The following PTPRD variants were observed in gnomAD, a reference collection of about 807,000 sequenced individuals.
PTPRD encodes protein tyrosine phosphatase receptor type D, also known as receptor-type tyrosine-protein phosphatase delta.
A neutral mutation model predicts 214.5 loss-of-function variants in PTPRD; 34 were observed. That is an observed-to-expected ratio of 0.16 (90% CI 0.12 to 0.21). The LOEUF (loss-of-function observed/expected upper bound fraction) is 0.21, where lower values mean the gene tolerates loss of function less well. PTPRD is among the 10% of genes least tolerant of loss of function. The probability of loss-of-function intolerance (pLI) is 1.00; values close to 1 mark genes in which losing one functional copy is unlikely to be tolerated. For synonymous variants in PTPRD, 1,128 were observed against 845.7 expected, an observed-to-expected ratio of 1.33 and a Z score of -5.79; for missense variants, 2,545 against 2,398.7, an observed-to-expected ratio of 1.06 and a Z score of -1.27.
chr9:8,384,754 G>C (rs2086381476), intron 37 of PTPRD, among the ~76,000 whole-genome samples: 2 of 152,130 alleles, frequency 1.3e-5, no homozygotes, highest in Admixed American at 6.5e-5. Flanking sequence ...TCGAACTCCT[G>C]ACCTCAGGTG....
chr9:9,794,189 A>G (rs980687734), intron 5 of PTPRD, among the ~76,000 whole-genome samples: 3 of 146,348 alleles, frequency 2.0e-5, no homozygotes, highest in Non-Finnish European at 3.0e-5. Context: ...ATATATACAT[A>G]TGTGTGTGTG....
chr9:10,605,060 T>C (rs967681230), intron 2 of PTPRD, among the ~76,000 whole-genome samples: 4 of 151,846 alleles, frequency 2.6e-5, no homozygotes, highest in Admixed American at 1.3e-4. Flanking sequence ...GGTAACTTAT[T>C]AACTTCAGCA....
At chr9:9,253,790 A>G (rs963182817) in intron 9 of PTPRD, among the ~76,000 whole-genome samples, 9 of 152,104 alleles carry the variant, frequency 5.9e-5, no homozygotes, top group African/African-American at 2.2e-4. Flanking sequence ...TGCTGTAACA[A>G]ATTATCACAA....
In PTPRD at chr9:10,118,896, A is replaced by AAAT. The variant is rs150154266; in HGVS notation, c.-544-85109_-544-85107dup. Among the ~76,000 whole-genome samples the AAAT allele has an allele frequency of 5.5e-4, 79 of 142,680 alleles. 1 individual carries two copies. The highest frequency in any genetic ancestry group is 4.6e-3 in the Admixed American group (65 of 14,276). 93.6% of individuals were successfully genotyped at this position (142,680 alleles called of 152,430 possible). A position where few individuals can be genotyped will look rare whatever the true frequency, so the allele number is the denominator to read the frequency against. ...TAAATAAATAAATAAATAAATAAAT[A>AAAT]AATAATAATAAAGGAGATGAAGGAA... is the stretch of plus-strand genomic sequence containing the variant. On this transcript the variant is annotated intron_variant, in intron 3 of 45. Transcript: ENST00000381196.
At chr9:9,675,012 T>A (rs2096902410) in intron 7 of PTPRD, among the ~76,000 whole-genome samples, 1 of 151,848 alleles carries the variant, frequency 6.6e-6, no homozygotes, top group Non-Finnish European at 1.5e-5. Context: ...AGATAACAAC[T>A]AAAGAATGAA....
chr9:9,096,372 A>T (rs2099783526), intron 10 of PTPRD, among the ~76,000 whole-genome samples: 1 of 152,212 alleles, frequency 6.6e-6, no homozygotes. Flanking sequence ...GCAAACAAAC[A>T]AAAGTCCCCA....
intron 32 of PTPRD, among the ~76,000 whole-genome samples, chr9:8,464,477 G>A (rs1190442663): frequency 2.0e-5 from 3 of 151,832 alleles, no homozygotes; most frequent in African/African-American, 7.3e-5. Context: ...ATTTTCCACG[G>A]GGGAATTCTT....
At chr9:10,486,897 G>A (rs2099136342) in intron 2 of PTPRD, among the ~76,000 whole-genome samples, 1 of 152,140 alleles carries the variant, frequency 6.6e-6, no homozygotes, top group Non-Finnish European at 1.5e-5. Context: ...TGTTGAATAT[G>A]TGGTGTTGAA....
At chr9:9,353,716 A>G (rs2052448921) in intron 9 of PTPRD, among the ~76,000 whole-genome samples, 1 of 151,894 alleles carries the variant, frequency 6.6e-6, no homozygotes, top group African/African-American at 2.4e-5. Context: ...ACAGAGAAAT[A>G]AAAACAAAAA....
chr9:10,205,495 T>A (rs1484170247), intron 3 of PTPRD, among the ~76,000 whole-genome samples: 2 of 151,976 alleles, frequency 1.3e-5, no homozygotes, highest in Non-Finnish European at 2.9e-5. Flanking sequence ...AACCTCCACC[T>A]CCCAGATTCA....
intron 37 of PTPRD, among the ~76,000 whole-genome samples, chr9:8,378,318 T>C (rs529812615): frequency 6.6e-6 from 1 of 152,208 alleles, no homozygotes; most frequent in Non-Finnish European, 1.5e-5. Flanking sequence ...GGCATCTCTA[T>C]ATGTTCTTTC....
At chr9:9,703,706 T>C (rs1304599017) in intron 7 of PTPRD, among the ~76,000 whole-genome samples, 17 of 152,202 alleles carry the variant, frequency 1.1e-4, no homozygotes, top group Admixed American at 1.1e-3. Flanking sequence ...TGTTAATAAG[T>C]GATTTTATTT....
At chr9:10,165,096 C>T (rs1432208005) in intron 3 of PTPRD, among the ~76,000 whole-genome samples, 3 of 151,498 alleles carry the variant, frequency 2.0e-5, no homozygotes, top group Non-Finnish European at 4.4e-5. Context: ...GGGCCTGGTG[C>T]CCTACAGAAA....
intron 7 of PTPRD, among the ~76,000 whole-genome samples, chr9:9,710,722 A>T (rs1432685330): frequency 6.6e-6 from 1 of 152,120 alleles, no homozygotes; most frequent in African/African-American, 2.4e-5. Context: ...TACTATACTA[A>T]TAATTTCTGA....
At chr9:9,453,133 G>T (rs1276758131) in intron 8 of PTPRD, among the ~76,000 whole-genome samples, 1 of 150,296 alleles carries the variant, frequency 6.7e-6, no homozygotes, top group Non-Finnish European at 1.5e-5. Context: ...GTTAAAACAA[G>T]ACTTTCAACG....
At chr9:9,908,934 G>C (rs575387655) in intron 5 of PTPRD, among the ~76,000 whole-genome samples, 8 of 151,968 alleles carry the variant, frequency 5.3e-5, no homozygotes, top group African/African-American at 1.7e-4. Context: ...AGAAGATATA[G>C]GCTATATTCC....
intron 4 of PTPRD, among the ~76,000 whole-genome samples, chr9:9,997,432 G>A (rs969385816): frequency 5.3e-5 from 8 of 151,956 alleles, no homozygotes; most frequent in Non-Finnish European, 1.2e-4. Context: ...ATTACAGACA[G>A]GCATGTGCCA....
intron 2 of PTPRD, among the ~76,000 whole-genome samples, chr9:10,465,788 A>T (rs2098989442): frequency 6.6e-6 from 1 of 152,146 alleles, no homozygotes; most frequent in African/African-American, 2.4e-5. Flanking sequence ...GCACATTCTC[A>T]ATTTCACACA....
intron 11 of PTPRD, among the ~76,000 whole-genome samples, chr9:8,761,666 A>G (rs987158320): frequency 6.6e-6 from 1 of 152,204 alleles, no homozygotes; most frequent in African/African-American, 2.4e-5. Flanking sequence ...AAGCTCATCT[A>G]CATGGATAAT....
Sources: allele counts gnomAD v4.1 joint callset (sites outside exome capture counted in the v4.1 genomes callset), GRCh38; gene constraint gnomAD v4.1.1; transcripts MANE v1.5; gene names NCBI Gene and HGNC (gene_info 2026-07-23, HGNC 2026-07-21).